The following PRKAG2 variants were observed in gnomAD, a reference collection of about 807,000 sequenced individuals.
The protein encoded by PRKAG2 is 5'-AMP-activated protein kinase subunit gamma-2.
In PRKAG2, 26 loss-of-function variants were observed where a neutral mutation model predicts 69.6. The observed-to-expected ratio is 0.37, with a 90% CI of 0.27 to 0.52. The LOEUF (loss-of-function observed/expected upper bound fraction) is 0.52, where lower values mean the gene tolerates loss of function less well. PRKAG2 is among the 20% of genes least tolerant of loss of function. The probability of loss-of-function intolerance (pLI) is 0.90; values close to 1 mark genes in which losing one functional copy is unlikely to be tolerated. For synonymous variants in PRKAG2, 293 were observed against 285.0 expected, an observed-to-expected ratio of 1.03 and a Z score of -0.28; for missense variants, 557 against 740.0, an observed-to-expected ratio of 0.75 and a Z score of 2.87.
chr7:151,660,107 A>C (rs570640340), intron 4 of PRKAG2, among the ~76,000 whole-genome samples: 11 of 152,242 alleles, frequency 7.2e-5, no homozygotes, highest in Non-Finnish European at 1.2e-4. Context: ...GAAAAGAATA[A>C]ACCATATTAA....
chr7:151,632,020 C>A lies in PRKAG2; in HGVS notation c.754+49G>T, dbSNP rs1402586012. On this transcript the variant is annotated intron_variant, in intron 5 of 15. Transcript: ENST00000287878. This position sits in a 1 kb window ranked among gnomAD's most constrained non-coding sequence, Gnocchi z 4.2. ...GTCCCCGCGGGTCCCGGTCCTCGGG[C>A]GGCCGGGCCGTGGGAGCGCCGGGCC... is the stretch of plus-strand genomic sequence containing the variant. 13 of 1,245,462 alleles carry A rather than the reference C, an allele frequency of 1.0e-5. No individual in the cohort carries two copies. The highest frequency in any genetic ancestry group is 1.6e-5 in the African/African-American group (1 of 63,754). 77.2% of individuals were successfully genotyped at this position (1,245,462 alleles called of 1,614,324 possible). A position where few individuals can be genotyped will look rare whatever the true frequency, so the allele number is the denominator to read the frequency against.
rs373277092 is a variant in PRKAG2, at chr7:151,781,300, G to A, written c.318C>T (p.Phe106=). ...KTSPGSPKTV[F]PFSYQESPPR... ...GCGGGGACTCCTGGTAGGAGAACGG[G>A]AACACGGTTTTGGGAGAGCCGGGGC... The change falls in exon 3 of 16, where the codon TTC becomes TTT. Residue 106 remains phenylalanine (F), a synonymous_variant. Coordinates refer to ENST00000287878, the MANE Select transcript of PRKAG2 (RefSeq NM_016203.4). The surrounding 1 kb of genome is among the most constrained non-coding windows in gnomAD (Gnocchi z 6.1). 1.9e-5 allele frequency: 31 copies of A among 1,614,082 alleles called. No homozygotes were observed. In the African/African-American group the frequency reaches 2.8e-4, roughly 15 times the overall value.
intron 1 of PRKAG2, among the ~76,000 whole-genome samples, chr7:151,832,646 C>T (rs2079065057): frequency 6.6e-6 from 1 of 151,450 alleles, no homozygotes; most frequent in Non-Finnish European, 1.5e-5. Context: ...ACAGCGTGAG[C>T]CCCCCGTGCC....
chr7:151,627,352 G>A (rs903699849), intron 5 of PRKAG2, among the ~76,000 whole-genome samples: 12 of 152,288 alleles, frequency 7.9e-5, no homozygotes, highest in Admixed American at 7.8e-4. Context: ...TTGGCTGGGT[G>A]CAGTGGCTCA....
intron 4 of PRKAG2, among the ~76,000 whole-genome samples, chr7:151,657,118 C>A (rs569739633): frequency 2.1e-5 from 3 of 144,324 alleles, no homozygotes; most frequent in Admixed American, 7.1e-5. Flanking sequence ...GCCTGGGCGA[C>A]ACAGTGAGAC....
At chr7:151,642,393 C>T (rs1461820439) in intron 4 of PRKAG2, among the ~76,000 whole-genome samples, 1 of 151,764 alleles carries the variant, frequency 6.6e-6, no homozygotes, top group African/African-American at 2.4e-5. Flanking sequence ...GGCATAGTGG[C>T]TCATGCCTGT....
chr7:151,802,481 G>C (rs965007992), intron 1 of PRKAG2, among the ~76,000 whole-genome samples: 11 of 152,164 alleles, frequency 7.2e-5, no homozygotes, highest in Non-Finnish European at 1.5e-4. Flanking sequence ...AAGAAGAAAG[G>C]GGAACTCCAC....
At chr7:151,864,762 C>G (rs767758536) in intron 1 of PRKAG2, among the ~76,000 whole-genome samples, 6 of 152,092 alleles carry the variant, frequency 3.9e-5, no homozygotes, top group Non-Finnish European at 7.3e-5. Context: ...CTTAAAAGTC[C>G]AGCTTTGGAA....
At chr7:151,600,029 T>G (rs980458424) in intron 5 of PRKAG2, among the ~76,000 whole-genome samples, 31 of 152,178 alleles carry the variant, frequency 2.0e-4, no homozygotes, top group African/African-American at 7.5e-4. Flanking sequence ...CCCAGTGAAC[T>G]CCTTCATTAG....
chr7:151,650,670 A>C (rs1032886361), intron 4 of PRKAG2, among the ~76,000 whole-genome samples: 1 of 152,184 alleles, frequency 6.6e-6, no homozygotes, highest in African/African-American at 2.4e-5. Flanking sequence ...GCTTTTCCCC[A>C]TCAATGTCAG....
rs1322311776 is a variant in PRKAG2 at position 151,828,324 on chromosome 7, A to G, written c.115-41783T>C. On this transcript the variant is annotated intron_variant, in intron 1 of 15. Transcript: ENST00000287878. This position sits in a 1 kb window ranked among gnomAD's most constrained non-coding sequence, Gnocchi z 4.6. ...TCCTAGCCCAACAAGGGGTGACGGC[A>G]GGACTCTCCCCGGATTCAGGTCTAT... Among the ~76,000 whole-genome samples the G allele has an allele frequency of 2.0e-5, 3 of 152,200 alleles. No individual in the cohort carries two copies. Among genetic ancestry groups the G allele is most frequent in the African/African-American group, 7.2e-5 (3 of 41,454 alleles).
At chr7:151,717,224 G>A (rs1298120432) in intron 3 of PRKAG2, among the ~76,000 whole-genome samples, 1 of 150,574 alleles carries the variant, frequency 6.6e-6, no homozygotes, top group Non-Finnish European at 1.5e-5. Flanking sequence ...TCCAGCCTGG[G>A]CAACAGACCG....
chr7:151,808,356 G>A (rs906273894), intron 1 of PRKAG2, among the ~76,000 whole-genome samples: 6 of 151,994 alleles, frequency 3.9e-5, no homozygotes, highest in African/African-American at 1.5e-4. Context: ...CTCTCTTCAT[G>A]GGTGAAACTG....
intron 1 of PRKAG2, among the ~76,000 whole-genome samples, chr7:151,840,576 C>T (rs771063413): frequency 1.2e-4 from 18 of 152,198 alleles, no homozygotes; most frequent in Non-Finnish European, 2.4e-4. Context: ...ATCTGGCCCC[C>T]GGACCTGCAC....
chr7:151,592,583 G>A (rs1585097862), intron 6 of PRKAG2, among the ~76,000 whole-genome samples: 3 of 152,122 alleles, frequency 2.0e-5, no homozygotes, highest in Admixed American at 6.5e-5. Flanking sequence ...CAAGTGGCTC[G>A]CCTTGGTCCC....
intron 5 of PRKAG2, among the ~76,000 whole-genome samples, chr7:151,620,285 C>T (rs1821159401): frequency 6.6e-6 from 1 of 152,032 alleles, no homozygotes; most frequent in African/African-American, 2.4e-5. Flanking sequence ...AGTTTCTCTC[C>T]TTTATCAACA....
chr7:151,653,511 G>A (rs1828884047), intron 4 of PRKAG2, among the ~76,000 whole-genome samples: 1 of 152,132 alleles, frequency 6.6e-6, no homozygotes, highest in African/African-American at 2.4e-5. Flanking sequence ...CAACAGAGAA[G>A]CAAACAGGAA....
chr7:151,558,851 T>C (rs1265170056), intron 15 of PRKAG2: 1 of 985,286 alleles, frequency 1.0e-6, no homozygotes. Flanking sequence ...GGATGGAAAT[T>C]TGAACTCATC....
At chr7:151,724,591 C>A (rs931721165) in intron 3 of PRKAG2, among the ~76,000 whole-genome samples, 4 of 152,172 alleles carry the variant, frequency 2.6e-5, no homozygotes, top group Non-Finnish European at 4.4e-5. Flanking sequence ...CCCGTCGTCG[C>A]CCTCCCAGGC....
Sources: allele counts gnomAD v4.1 joint callset (sites outside exome capture counted in the v4.1 genomes callset), GRCh38; gene constraint gnomAD v4.1.1; non-coding constraint Gnocchi (gnomAD v3.1); transcripts MANE v1.5; gene names NCBI Gene and HGNC (gene_info 2026-07-23, HGNC 2026-07-21).